Variants in HYDIN observed in about 807,000 individuals in gnomAD.
HYDIN encodes axonemal central pair apparatus protein HYDIN.
A neutral mutation model predicts 403.9 loss-of-function variants in HYDIN; 132 were observed. The ratio of observed to expected loss-of-function variants is 0.33; its 90% CI spans 0.28 to 0.38. The LOEUF is 0.38. HYDIN is among the 10% of genes least tolerant of loss of function. The probability of loss-of-function intolerance (pLI) is 1.00; values close to 1 mark genes in which losing one functional copy is unlikely to be tolerated. For synonymous variants in HYDIN, 1,202 were observed against 1,891.7 expected, an observed-to-expected ratio of 0.64 and a Z score of 9.46; for missense variants, 2,827 against 5,009.5, an observed-to-expected ratio of 0.56 and a Z score of 13.15.
At chr16:70,916,558 G>C (rs993111562) in intron 47 of HYDIN, among the ~76,000 whole-genome samples, 2 of 152,162 alleles carry the variant, frequency 1.3e-5, no homozygotes, top group Non-Finnish European at 2.9e-5. Flanking sequence ...GTTCCCTTCA[G>C]GTTTCTTGAT....
Position 71,175,648 on chromosome 16 carries a change from G to A in HYDIN, c.475C>T (p.Pro159Ser), listed in dbSNP as rs2086641541. ...DIGHKVAPGV[P>S]SIFRILFTPE... is the part of the protein sequence containing the mutation. ...GTAAAGAGGATTCGGAATATGGAAG[G>A]CACTCCAGGAGCCACTTTGTGGCCA... Residue 159 changes from proline to serine, a missense_variant, in exon 5 of 86, where the codon CCT (proline) becomes TCT (serine). Coordinates refer to ENST00000393567, the MANE Select transcript of HYDIN (RefSeq NM_001270974.2). The A allele has an allele frequency of 1.2e-6, 2 of 1,613,910 alleles. No individual in the cohort carries two copies. The highest frequency in any genetic ancestry group is 2.7e-5 in the African/African-American group (2 of 74,930).
At chr16:71,152,884 C>T in intron 6 of HYDIN, 101 bp from the exon 7 acceptor site, 1 of 793,160 alleles carries the variant, frequency 1.3e-6, no homozygotes, top group African/African-American at 1.7e-5. Context: ...CAGCTCAGAC[C>T]CAGCACTGCA....
chr16:71,184,668 T>C (rs2087058960), intron 3 of HYDIN, among the ~76,000 whole-genome samples, 197 bp downstream of exon 3: 1 of 152,152 alleles, frequency 6.6e-6, no homozygotes, highest in South Asian at 2.1e-4. Context: ...TCAAAAGTTA[T>C]TTTAAAAGAG....
chr16:71,012,608 T>C (rs1292040870), intron 23 of HYDIN, among the ~76,000 whole-genome samples: 2 of 152,192 alleles, frequency 1.3e-5, no homozygotes, highest in African/African-American at 2.4e-5. Flanking sequence ...CAGATGTACA[T>C]GTGTTGTGAA....
At chr16:70,817,433 A>G (rs974508956) in intron 84 of HYDIN, 5 of 152,034 alleles carry the variant, frequency 3.3e-5, no homozygotes, top group Admixed American at 3.3e-4. Context: ...AACACAAATG[A>G]CCAGCCTGAA....
intron 18 of HYDIN, among the ~76,000 whole-genome samples, chr16:71,043,836 C>A (rs1170316956): frequency 6.6e-6 from 1 of 151,020 alleles, no homozygotes; most frequent in Non-Finnish European, 1.5e-5. Flanking sequence ...TGCCTGTAAT[C>A]CCAGCACTTT....
intron 38 of HYDIN, among the ~76,000 whole-genome samples, chr16:70,960,707 T>C (rs2078386464): frequency 6.6e-6 from 1 of 152,256 alleles, no homozygotes. Context: ...TTCTTTTTTT[T>C]CTTGAGATGG....
intron 45 of HYDIN, among the ~76,000 whole-genome samples, chr16:70,928,415 G>A (rs1399485430): frequency 6.6e-6 from 1 of 152,078 alleles, no homozygotes; most frequent in African/African-American, 2.4e-5. Flanking sequence ...TGGTGATCAC[G>A]CCAAGCACTC....
chr16:70,928,751 GA>G (rs951407273), intron 45 of HYDIN, among the ~76,000 whole-genome samples: 2 of 115,576 alleles, frequency 1.7e-5, no homozygotes, highest in African/African-American at 6.2e-5. Flanking sequence ...ACATTTGGGA[GA>G]AATTTGCTTT....
intron 45 of HYDIN, among the ~76,000 whole-genome samples, chr16:70,923,629 C>T (rs1168425460): frequency 4.9e-5 from 6 of 121,496 alleles, no homozygotes; most frequent in African/African-American, 9.9e-5. Context: ...GGTGAAACCC[C>T]GTCTCTACTA....
chr16:70,837,021 A>C (rs1337660936), intron 77 of HYDIN, among the ~76,000 whole-genome samples: 2 of 152,270 alleles, frequency 1.3e-5, no homozygotes, highest in African/African-American at 2.4e-5. Flanking sequence ...TATGCTATGC[A>C]TTCCTGAAAG....
rs1193979958 is a variant in HYDIN, at chr16:71,137,549, C to A, written c.842-197G>T. 6.6e-5 allele frequency among the ~76,000 whole-genome samples: 10 copies of A among 151,932 alleles called. No individual in the cohort carries two copies. The East Asian group carries it at 2.0e-3, about 30-fold the overall frequency. On this transcript the variant is annotated intron_variant, in intron 7 of 85. Transcript: ENST00000393567. ...ATGCTTGGTGCAGTTATAGAAAAAT[C>A]AAGCTATCTTGCCTGGTCATTGTAA...
intron 13 of HYDIN, 120 bp downstream of exon 13, chr16:71,079,765 C>G (rs2082725570): frequency 3.6e-6 from 2 of 558,378 alleles, no homozygotes; most frequent in Non-Finnish European, 6.4e-6. Context: ...TTCTGAATGT[C>G]CTTGTGCTGG....
intron 67 of HYDIN, 66 bp downstream of exon 67, chr16:70,866,103 T>G: frequency 9.3e-7 from 1 of 1,077,016 alleles, no homozygotes; most frequent in South Asian, 1.4e-5. Flanking sequence ...GTTTGATGAG[T>G]GAGTGAGTGA....
chr16:70,879,184 G>A (rs1033639635), intron 62 of HYDIN, 113 bp downstream of exon 62: 1 of 643,168 alleles, frequency 1.6e-6, no homozygotes, highest in African/African-American at 1.8e-5. Flanking sequence ...GTTAATGTAT[G>A]TGGATCAACA....
chr16:71,186,953 C>T (rs771242491), intron 1 of HYDIN, 35 bp from the exon 2 acceptor site: 2 of 1,438,890 alleles, frequency 1.4e-6, no homozygotes, highest in Non-Finnish European at 1.9e-6. Context: ...AGAACAAATA[C>T]AGTTAATTCC....
At chr16:70,808,319 T>C (rs1303634860) in intron 85 of HYDIN, among the ~76,000 whole-genome samples, 2 of 152,204 alleles carry the variant, frequency 1.3e-5, no homozygotes, top group Non-Finnish European at 2.9e-5. Context: ...ATTACGTTAA[T>C]AGGGCAGTCA....
At chr16:71,086,237 G>A (rs2082927171) in intron 12 of HYDIN, among the ~76,000 whole-genome samples, 1 of 152,224 alleles carries the variant, frequency 6.6e-6, no homozygotes, top group Non-Finnish European at 1.5e-5. Context: ...AGTGAGGGCA[G>A]TAGTATTCAT....
In HYDIN at chr16:71,022,793, T is replaced by C. The variant is rs561147802; in HGVS notation, c.3187-2476A>G. Among the ~76,000 whole-genome samples, 5 of 147,134 alleles carry C rather than the reference T, an allele frequency of 3.4e-5. No individual in the cohort carries two copies. The South Asian group carries it at 6.7e-4, about 20-fold the overall frequency. ...AAGTAAGCAGGGAACTGTAGCTCAA[T>C]TCACTTTTTGATTGAATAAGAAGTT... On this transcript the variant is annotated intron_variant, in intron 21 of 85. Transcript: ENST00000393567.
Sources: allele counts gnomAD v4.1 joint callset (sites outside exome capture counted in the v4.1 genomes callset), GRCh38; gene constraint gnomAD v4.1.1; transcripts MANE v1.5; gene names NCBI Gene and HGNC (gene_info 2026-07-23, HGNC 2026-07-21).